Variants in CSMD2 observed in about 807,000 individuals in gnomAD.
CSMD2 encodes CUB and Sushi multiple domains 2.
A neutral mutation model predicts 398.5 loss-of-function variants in CSMD2; 130 were observed. The ratio of observed to expected loss-of-function variants is 0.33; its 90% confidence interval spans 0.28 to 0.38. The LOEUF (loss-of-function observed/expected upper bound fraction) is 0.38, where lower values mean the gene tolerates loss of function less well. Among genes scored for constraint, CSMD2 ranks in the 10% least tolerant of loss-of-function variants. The probability of loss-of-function intolerance (pLI) is 1.00; values close to 1 mark genes in which losing one functional copy is unlikely to be tolerated. For missense variants in CSMD2, 3,829 were observed against 4,764.9 expected, an observed-to-expected ratio of 0.80 and a Z score of 5.78; for synonymous variants, 1,828 against 1,908.5, an observed-to-expected ratio of 0.96 and a Z score of 1.10.
rs1570558564 is a variant in CSMD2 at position 33,935,687 on chromosome 1, G to T, written c.712+73C>A. 12 of 1,444,772 alleles carry T rather than the reference G, an allele frequency of 8.3e-6. No individual in the cohort carries two copies. The East Asian group carries it at 2.8e-4, about 34-fold the overall frequency. The allele number at this position is 1,444,772 out of a possible 1,614,324, so 89.5% of individuals were successfully genotyped here. ...GGTGTAGCTTTGCCCTTTGAGACTGGATGTCACTGGAAGCTCCAGCATCAC... is the reference window on the plus strand; with the variant it reads ...GGTGTAGCTTTGCCCTTTGAGACTGTATGTCACTGGAAGCTCCAGCATCAC... On this transcript the variant is annotated intron_variant, in intron 4 of 70. Transcript: ENST00000373381.
At chr1:34,007,247 T>C (rs1008936520) in intron 3 of CSMD2, among the ~76,000 whole-genome samples, 2 of 152,028 alleles carry the variant, frequency 1.3e-5, no homozygotes, top group African/African-American at 4.8e-5. Flanking sequence ...CTCATGGAAG[T>C]GCCCACTCTG....
At chr1:33,912,030 G>T (rs1162913371) in intron 5 of CSMD2, among the ~76,000 whole-genome samples, 2 of 152,142 alleles carry the variant, frequency 1.3e-5, no homozygotes, top group Non-Finnish European at 2.9e-5. Flanking sequence ...CCTGTCTCAA[G>T]TGCAGCCTCT....
intron 1 of CSMD2, among the ~76,000 whole-genome samples, chr1:34,104,050 G>A (rs761264055): frequency 1.3e-5 from 2 of 152,150 alleles, no homozygotes; most frequent in Non-Finnish European, 2.9e-5. Context: ...GTTGCTAAAT[G>A]TTCAGTACAG....
Position 33,864,630 on chromosome 1 carries a change from G to T in CSMD2, c.921-17634C>A, listed in dbSNP as rs756667313. On this transcript the variant is annotated intron_variant, in intron 5 of 70. Coordinates refer to ENST00000373381, the MANE Select transcript of CSMD2 (RefSeq NM_001281956.2). ...GAAGCACCCTTATGAGCAAAGAGTG[G>T]CTCTCCTGAGAGCTAAGTACTTCGA... The T allele has an allele frequency of 1.4e-5, 23 of 1,613,822 alleles. No homozygotes were observed. The East Asian group carries it at 5.1e-4, about 36-fold the overall frequency.
intron 37 of CSMD2, among the ~76,000 whole-genome samples, chr1:33,620,397 G>A (rs1641691994): frequency 6.6e-6 from 1 of 152,166 alleles, no homozygotes; most frequent in South Asian, 2.1e-4. Flanking sequence ...ATACCAGTGG[G>A]AAGCTCTGTT....
intron 1 of CSMD2, among the ~76,000 whole-genome samples, chr1:34,118,383 G>T (rs1245526897): frequency 6.6e-6 from 1 of 152,170 alleles, no homozygotes; most frequent in Admixed American, 6.5e-5. Flanking sequence ...TCTCTCACCA[G>T]TCTATTCGGT....
chr1:33,653,497 G>A (rs1571101736), intron 27 of CSMD2, among the ~76,000 whole-genome samples: 1 of 152,202 alleles, frequency 6.6e-6, no homozygotes, highest in Admixed American at 6.5e-5. Flanking sequence ...CCAAGAGTAT[G>A]TGTGTACCTC....
intron 25 of CSMD2, among the ~76,000 whole-genome samples, chr1:33,685,532 G>A (rs2149079149): frequency 6.6e-6 from 1 of 152,282 alleles, no homozygotes; most frequent in South Asian, 2.1e-4. Flanking sequence ...ATTATACTGA[G>A]AAATCCATTC....
At chr1:33,752,986 T>C (rs574320177) in intron 13 of CSMD2, among the ~76,000 whole-genome samples, 2 of 152,338 alleles carry the variant, frequency 1.3e-5, no homozygotes, top group East Asian at 3.9e-4. Flanking sequence ...AGAATTAGCA[T>C]GGCTGCTTCT....
In CSMD2 at chr1:33,715,081, C is replaced by A. The variant is rs1646124911; in HGVS notation, c.3218-306G>T. On this transcript the variant is annotated intron_variant, in intron 20 of 70. Transcript: ENST00000373381. Reference sequence around the variant, plus strand: ...CCTGTGAGCAGTGAAAGGGCACAGCCTTTCCTAGACAGGCTTCCCAGGAGG... The same window carrying A: ...CCTGTGAGCAGTGAAAGGGCACAGCATTTCCTAGACAGGCTTCCCAGGAGG... 2.6e-5 allele frequency among the ~76,000 whole-genome samples: 4 copies of A among 152,166 alleles called. No individual in the cohort carries two copies. In the South Asian group the frequency reaches 8.3e-4, roughly 31 times the overall value.
chr1:33,714,455 A>G lies in CSMD2; in HGVS notation c.3406+132T>C, dbSNP rs1317574058. The G allele has an allele frequency of 4.8e-6, 5 of 1,042,042 alleles. No homozygotes were observed. The Admixed American group carries it at 6.7e-5, about 14-fold the overall frequency. The allele number at this position is 1,042,042 out of a possible 1,614,324, so 64.5% of individuals were successfully genotyped here. A position where few individuals can be genotyped will look rare whatever the true frequency, so the allele number is the denominator to read the frequency against. ...GGTTAGGTTACCTGCCCCGGGTCCCACTGCAGGTAAGTGTGGTAAGTGTGG... is the reference window on the plus strand; with the variant it reads ...GGTTAGGTTACCTGCCCCGGGTCCCGCTGCAGGTAAGTGTGGTAAGTGTGG... On this transcript the variant is annotated intron_variant, in intron 21 of 70. Coordinates refer to ENST00000373381, the MANE Select transcript of CSMD2 (RefSeq NM_001281956.2).
In CSMD2 at chr1:33,901,778, A is replaced by C. The variant is rs572963562; in HGVS notation, c.920+16316T>G. The stretch of plus-strand genomic sequence containing the variant: ...GTGAAATAAATAAATAAAGTTTACT[A>C]GGAGTCAATGTGCTTCATTTTATGG... On this transcript the variant is annotated intron_variant, in intron 5 of 70. Transcript: ENST00000373381. 2.0e-5 allele frequency among the ~76,000 whole-genome samples: 3 copies of C among 152,352 alleles called. No individual in the cohort carries two copies. The East Asian group carries it at 5.8e-4, about 29-fold the overall frequency.
intron 5 of CSMD2, chr1:33,864,772 C>A: frequency 1.9e-6 from 3 of 1,575,138 alleles, no homozygotes; most frequent in South Asian, 2.4e-5. Context: ...TTTGAAAAAA[C>A]AAAATGCCAT....
rs1269808927 is a variant in CSMD2 at position 33,559,319 on chromosome 1, G to A, written c.8535C>T (p.Asp2845=). ...ACTCACTTCTGCAGGTGGGCAGCAT[G>A]TCACTCCATTGCCCGCTGGCCAGGC... The part of the protein sequence containing the change: ...SQCLASGQWS[D]MLPTCRIINC... Residue 2845 remains aspartate (D), a synonymous_variant, in exon 54 of 71, where the codon GAC becomes GAT. Coordinates refer to ENST00000373381, the MANE Select transcript of CSMD2 (RefSeq NM_001281956.2). The surrounding 1 kb of genome is among the most constrained non-coding windows in gnomAD (Gnocchi z 4.0). 1 of 1,535,502 alleles carries A rather than the reference G, an allele frequency of 6.5e-7. No homozygotes were observed. Among genetic ancestry groups the A allele is most frequent in the Non-Finnish European group, 8.7e-7 (1 of 1,146,884 alleles).
chr1:33,704,615 T>C (rs1372573597), intron 22 of CSMD2, among the ~76,000 whole-genome samples: 2 of 152,238 alleles, frequency 1.3e-5, no homozygotes, highest in East Asian at 3.8e-4. Flanking sequence ...GGCTATTAGG[T>C]TGAGCCATGA....
chr1:33,543,223 T>C (rs919316130), intron 57 of CSMD2, among the ~76,000 whole-genome samples: 2 of 152,248 alleles, frequency 1.3e-5, no homozygotes, highest in African/African-American at 4.8e-5. Flanking sequence ...TTTCTCTTTT[T>C]TTAACAGTTG....
At chr1:33,948,195 C>A (rs1472249858) in intron 3 of CSMD2, among the ~76,000 whole-genome samples, 1 of 152,252 alleles carries the variant, frequency 6.6e-6, no homozygotes. Context: ...TTTCACTCAT[C>A]TCTGGAGTCC....
intron 9 of CSMD2, among the ~76,000 whole-genome samples, chr1:33,812,098 T>C (rs1656928727): frequency 6.6e-6 from 1 of 152,168 alleles, no homozygotes. Flanking sequence ...TCTCTTCTCA[T>C]TTCATGCACT....
chr1:34,028,391 T>C (rs1413576712), intron 3 of CSMD2, among the ~76,000 whole-genome samples: 5 of 152,162 alleles, frequency 3.3e-5, no homozygotes, highest in African/African-American at 9.7e-5. Context: ...ACTTCAAAAA[T>C]TTGAATAATT....
Sources: allele counts gnomAD v4.1 joint callset (sites outside exome capture counted in the v4.1 genomes callset), GRCh38; gene constraint gnomAD v4.1.1; non-coding constraint Gnocchi (gnomAD v3.1); transcripts MANE v1.5; gene names NCBI Gene and HGNC (gene_info 2026-07-23, HGNC 2026-07-21).